Variants in ERC2 observed in about 807,000 individuals in gnomAD.
The protein encoded by ERC2 is ELKS/RAB6-interacting/CAST family member 2, also known as ERC protein 2.
In ERC2, 42 loss-of-function variants were observed where a neutral mutation model predicts 114.8. The ratio of observed to expected loss-of-function variants is 0.37; its 90% CI spans 0.29 to 0.47. The LOEUF (loss-of-function observed/expected upper bound fraction) is 0.47, where lower values mean the gene tolerates loss of function less well. Among genes scored for constraint, ERC2 ranks in the 20% least tolerant of loss-of-function variants. ERC2 has a pLI of 0.99. For synonymous variants in ERC2, 454 were observed against 425.5 expected (o/e 1.07, Z -0.82); for missense variants, 939 against 1,150.7 (o/e 0.82, Z 2.66).
chr3:55,546,598 A>G (rs1269164977), intron 17 of ERC2, among the ~76,000 whole-genome samples: 3 of 152,230 alleles, frequency 2.0e-5, no homozygotes, highest in African/African-American at 4.8e-5. Context: ...AAGCTGTTCA[A>G]TAATGTGTGT....
At chr3:55,848,962 T>G (rs2061469759) in intron 14 of ERC2, among the ~76,000 whole-genome samples, 1 of 152,220 alleles carries the variant, frequency 6.6e-6, no homozygotes, top group Middle Eastern at 3.2e-3. Context: ...TTTGATACCC[T>G]AACATGCCTA....
chr3:56,337,210 G>T (rs188657709), intron 2 of ERC2, among the ~76,000 whole-genome samples: 13 of 152,258 alleles, frequency 8.5e-5, no homozygotes, highest in Admixed American at 6.5e-4. Flanking sequence ...CTGGAAAACC[G>T]GATCTTCTTT....
intron 14 of ERC2, among the ~76,000 whole-genome samples, chr3:55,743,662 T>C (rs1289642501): frequency 6.6e-6 from 1 of 151,240 alleles, no homozygotes; most frequent in Non-Finnish European, 1.5e-5. Flanking sequence ...TAGCCTATTA[T>C]GATTTTTTAA....
At chr3:56,173,571 AC>A in intron 3 of ERC2, 51 bp from the exon 4 acceptor site, 1 of 1,564,234 alleles carries the variant, frequency 6.4e-7, no homozygotes, top group Non-Finnish European at 8.8e-7. Context: ...CTTCCGTTAC[AC>A]CACAACCTTT....
At chr3:56,381,742 T>G in intron 2 of ERC2, among the ~76,000 whole-genome samples, 1 of 140,406 alleles carries the variant, frequency 7.1e-6, no homozygotes, top group Non-Finnish European at 1.5e-5. Flanking sequence ...AGAAAAAAAG[T>G]AAGGTGGAAA....
chr3:55,750,592 G>A (rs532979596), intron 14 of ERC2, among the ~76,000 whole-genome samples: 2 of 152,282 alleles, frequency 1.3e-5, no homozygotes, highest in African/African-American at 4.8e-5. Flanking sequence ...GGGTAGGAAT[G>A]GAAGGGCTCT....
In ERC2 at chr3:55,508,805, G is replaced by C. The variant is rs2051911803; in HGVS notation, c.*2511C>G. The C allele has an allele frequency of 6.6e-6, 1 of 152,390 alleles. No homozygotes were observed. Among genetic ancestry groups the C allele is most frequent in the South Asian group, 2.1e-4 (1 of 4,800 alleles). The allele number at this position is 152,390 out of a possible 1,614,324, so 9.4% of individuals were successfully genotyped here. A position where few individuals can be genotyped will look rare whatever the true frequency, so the allele number is the denominator to read the frequency against. On this transcript the variant is annotated 3_prime_UTR_variant, in exon 18 of 18. Coordinates refer to ENST00000288221, the MANE Select transcript of ERC2 (RefSeq NM_015576.3). ...AATCATTAAATACAAAATTGAGACT[G>C]TACATCGAAATCAAATGGGGTATAA...
intron 7 of ERC2, among the ~76,000 whole-genome samples, chr3:56,029,414 C>T (rs1200250556): frequency 6.6e-6 from 1 of 152,000 alleles, no homozygotes; most frequent in Non-Finnish European, 1.5e-5. Context: ...AGGATTAATT[C>T]TTTAACATTT....
At chr3:55,998,856 G>C (rs1043287196) in intron 10 of ERC2, among the ~76,000 whole-genome samples, 3 of 152,132 alleles carry the variant, frequency 2.0e-5, no homozygotes, top group Non-Finnish European at 4.4e-5. Context: ...CTAAATATGT[G>C]TTGAGAAGAG....
chr3:55,681,860 AC>A (rs2062070324), intron 17 of ERC2, among the ~76,000 whole-genome samples: 1 of 152,178 alleles, frequency 6.6e-6, no homozygotes, highest in South Asian at 2.1e-4. Flanking sequence ...GGATAACAAC[AC>A]TGTTCATATC....
intron 3 of ERC2, among the ~76,000 whole-genome samples, chr3:56,255,051 T>G (rs1183894331): frequency 6.6e-6 from 1 of 152,250 alleles, no homozygotes; most frequent in African/African-American, 2.4e-5. Context: ...AATTCTTATT[T>G]CCATCCCCTA....
intron 14 of ERC2, among the ~76,000 whole-genome samples, chr3:55,858,492 C>T (rs2061885043): frequency 1.3e-5 from 2 of 152,190 alleles, no homozygotes; most frequent in Admixed American, 6.5e-5. Flanking sequence ...TTAAAGGAGG[C>T]TCTGATGCCT....
At chr3:56,077,027 A>G (rs1435599184) in intron 7 of ERC2, among the ~76,000 whole-genome samples, 1 of 152,220 alleles carries the variant, frequency 6.6e-6, no homozygotes, top group South Asian at 2.1e-4. Flanking sequence ...TGAGCTTATT[A>G]TTCTTCCATG....
chr3:55,834,812 C>T (rs1559734761), intron 14 of ERC2, among the ~76,000 whole-genome samples: 1 of 124,536 alleles, frequency 8.0e-6, no homozygotes, highest in Non-Finnish European at 1.6e-5. Flanking sequence ...AAACCAGGAG[C>T]TGGTTTTTTG....
intron 17 of ERC2, among the ~76,000 whole-genome samples, chr3:55,515,779 A>G (rs1008967701): frequency 6.6e-6 from 1 of 151,928 alleles, no homozygotes; most frequent in African/African-American, 2.4e-5. Context: ...GCAGGCTATA[A>G]ACGTGTGGTG....
chr3:55,927,016 G>A (rs746886196), intron 13 of ERC2, among the ~76,000 whole-genome samples: 20 of 152,052 alleles, frequency 1.3e-4, no homozygotes, highest in Non-Finnish European at 2.5e-4. Context: ...TCAGATCCCT[G>A]ATACTGCCCT....
chr3:55,680,352 G>T (rs980111421), intron 17 of ERC2, among the ~76,000 whole-genome samples: 1 of 152,204 alleles, frequency 6.6e-6, no homozygotes, highest in African/African-American at 2.4e-5. Context: ...CGAGGCAGAG[G>T]TGGCACTAAA....
At chr3:55,783,366 G>C (rs1372747045) in intron 14 of ERC2, among the ~76,000 whole-genome samples, 2 of 152,146 alleles carry the variant, frequency 1.3e-5, no homozygotes, top group Non-Finnish European at 2.9e-5. Flanking sequence ...CAGGGCTAAG[G>C]TAAGGTCTAA....
intron 15 of ERC2, among the ~76,000 whole-genome samples, chr3:55,704,352 C>T (rs925810153): frequency 6.6e-6 from 1 of 152,120 alleles, no homozygotes; most frequent in Non-Finnish European, 1.5e-5. Context: ...ATCAAGTTAA[C>T]GATAAAACCT....
Sources: gnomAD v4.1 joint callset for allele counts (sites outside exome capture counted in the v4.1 genomes callset) on GRCh38, gnomAD v4.1.1 for gene constraint, MANE v1.5 for transcripts, NCBI Gene and HGNC (gene_info 2026-07-23, HGNC 2026-07-21) for gene names.